Variants in NEGR1 observed in about 807,000 individuals in gnomAD.
NEGR1 encodes neuronal growth regulator 1.
In NEGR1, 10 loss-of-function variants were observed where a neutral mutation model predicts 40.9. The ratio of observed to expected loss-of-function variants is 0.24; its 90% confidence interval spans 0.15 to 0.42. The LOEUF is 0.42. Among genes scored for constraint, NEGR1 ranks in the 10% least tolerant of loss-of-function variants. The probability of loss-of-function intolerance (pLI) is 1.00; values close to 1 mark genes in which losing one functional copy is unlikely to be tolerated. For missense variants in NEGR1, 352 were observed against 438.9 expected, an observed-to-expected ratio of 0.80 and a Z score of 1.77; for synonymous variants, 185 against 166.8, an observed-to-expected ratio of 1.11 and a Z score of -0.84.
intron 6 of NEGR1, among the ~76,000 whole-genome samples, chr1:71,563,068 T>C (rs1648510238): frequency 6.6e-6 from 1 of 152,032 alleles, no homozygotes; most frequent in South Asian, 2.1e-4. Flanking sequence ...TGTGTAATCC[T>C]CTCATGGGGA....
rs35490878 is a variant in NEGR1, at chr1:72,205,756, C to CAAAA, written c.176+76559_176+76562dup. Among the ~76,000 whole-genome samples the CAAAA allele has an allele frequency of 1.6e-3, 49 of 30,878 alleles. 2 individuals are homozygous for CAAAA. The highest frequency in any genetic ancestry group is 4.6e-3 in the Admixed American group (9 of 1,942). 20.3% of individuals were successfully genotyped at this position (30,878 alleles called of 152,430 possible). ...GGCAAATGGCAAAACCCCATTTCTA[C>CAAAA]AAAAAAAAAAAAAAAAAAAAAAAAA... On this transcript the variant is annotated intron_variant, in intron 1 of 6. Transcript: ENST00000357731.
At chr1:72,141,039 T>C (rs1479528256) in intron 1 of NEGR1, among the ~76,000 whole-genome samples, 1 of 152,006 alleles carries the variant, frequency 6.6e-6, no homozygotes, top group Non-Finnish European at 1.5e-5. Context: ...CATGATATGA[T>C]ATAATGTAGT....
chr1:72,153,387 T>C (rs879673314), intron 1 of NEGR1, among the ~76,000 whole-genome samples: 11 of 151,910 alleles, frequency 7.2e-5, no homozygotes, highest in Non-Finnish European at 1.5e-4. Flanking sequence ...AACACAGATA[T>C]ATTGTTTCCA....
intron 2 of NEGR1, among the ~76,000 whole-genome samples, chr1:71,820,538 G>GTC (rs1355708540): frequency 6.6e-6 from 1 of 151,966 alleles, no homozygotes; most frequent in Non-Finnish European, 1.5e-5. Context: ...CATCATCATG[G>GTC]TCTCCTTGTT....
At chr1:71,592,224 A>G (rs1416617831) in intron 6 of NEGR1, among the ~76,000 whole-genome samples, 3 of 152,120 alleles carry the variant, frequency 2.0e-5, no homozygotes, top group Non-Finnish European at 4.4e-5. Context: ...GTGCTTCTTT[A>G]TTAATTTTTA....
chr1:72,245,988 T>G (rs1217266475), intron 1 of NEGR1, among the ~76,000 whole-genome samples: 1 of 152,140 alleles, frequency 6.6e-6, no homozygotes, highest in East Asian at 1.9e-4. Context: ...AAATATTAAT[T>G]ATTTAATACT....
At chr1:71,495,750 T>A (rs1197220201) in intron 6 of NEGR1, among the ~76,000 whole-genome samples, 1 of 152,152 alleles carries the variant, frequency 6.6e-6, no homozygotes, top group Non-Finnish European at 1.5e-5. Context: ...GAGAAGACTA[T>A]TATAATGCTG....
At chr1:71,695,331 C>G (rs560428376) in intron 4 of NEGR1, among the ~76,000 whole-genome samples, 1 of 151,594 alleles carries the variant, frequency 6.6e-6, no homozygotes, top group Non-Finnish European at 1.5e-5. Context: ...AAGCAAATGG[C>G]AAAACTGATT....
intron 1 of NEGR1, among the ~76,000 whole-genome samples, chr1:72,061,880 C>T (rs551212348): frequency 6.6e-6 from 1 of 151,818 alleles, no homozygotes; most frequent in African/African-American, 2.4e-5. Context: ...GTGTTCCTTT[C>T]TCAGATTATT....
At chr1:71,945,437 A>G (rs1470546229) in intron 1 of NEGR1, among the ~76,000 whole-genome samples, 5 of 152,180 alleles carry the variant, frequency 3.3e-5, no homozygotes, top group Admixed American at 2.6e-4. Context: ...TATAATTAGA[A>G]GAAGGAAAAA....
chr1:72,257,595 T>A (rs1213389951), intron 1 of NEGR1, among the ~76,000 whole-genome samples: 1 of 152,142 alleles, frequency 6.6e-6, no homozygotes, highest in African/African-American at 2.4e-5. Context: ...TAATTAGTAA[T>A]TTTCTCCAAC....
intron 6 of NEGR1, among the ~76,000 whole-genome samples, chr1:71,570,635 T>A (rs1031500031): frequency 3.8e-5 from 5 of 130,266 alleles, no homozygotes; most frequent in African/African-American, 1.4e-4. Flanking sequence ...ACTTTGTTTA[T>A]ACTGGGTCCT....
intron 3 of NEGR1, among the ~76,000 whole-genome samples, chr1:71,731,526 A>C (rs2101664716): frequency 6.6e-6 from 1 of 152,370 alleles, no homozygotes; most frequent in African/African-American, 2.4e-5. Flanking sequence ...TAATAGAGAT[A>C]ATTATTTTGG....
chr1:72,046,989 T>C (rs1272240072), intron 1 of NEGR1, among the ~76,000 whole-genome samples: 1 of 151,618 alleles, frequency 6.6e-6, no homozygotes, highest in East Asian at 1.9e-4. Flanking sequence ...AATTTTCAAA[T>C]ACGCAGAATG....
chr1:71,784,147 T>TTCCCAC (rs1656821780), intron 2 of NEGR1, among the ~76,000 whole-genome samples: 1 of 152,108 alleles, frequency 6.6e-6, no homozygotes, highest in Non-Finnish European at 1.5e-5. Context: ...CACACCCAGC[T>TTCCCAC]AATCATCAGG....
At chr1:71,623,531 T>C (rs1045005359) in intron 4 of NEGR1, among the ~76,000 whole-genome samples, 4 of 151,918 alleles carry the variant, frequency 2.6e-5, no homozygotes, top group East Asian at 3.9e-4. Context: ...TGGGAAGTGA[T>C]AGTAGTTGTA....
intron 1 of NEGR1, among the ~76,000 whole-genome samples, chr1:72,170,825 T>C (rs1248154364): frequency 6.6e-6 from 1 of 152,200 alleles, no homozygotes. Context: ...TGCAGTCCTT[T>C]AAATTCCATT....
rs749712938 is a variant in NEGR1 at position 71,793,183 on chromosome 1, C to CT, written c.410-16887dup. ...TGTAGGAACAATTGATTGGGATGTT[C>CT]TTTTTTTTTTTTTTTTAGATGGAAT... On this transcript the variant is annotated intron_variant, in intron 2 of 6. Coordinates refer to ENST00000357731, the MANE Select transcript of NEGR1 (RefSeq NM_173808.3). Among the ~76,000 whole-genome samples the CT allele has an allele frequency of 4.8e-3, 448 of 92,726 alleles. 3 individuals carry two copies. The highest frequency in any genetic ancestry group is 0.017 in the African/African-American group (382 of 22,748). 60.8% of individuals were successfully genotyped at this position (92,726 alleles called of 152,430 possible). A position where few individuals can be genotyped will look rare whatever the true frequency, so the allele number is the denominator to read the frequency against.
intron 6 of NEGR1, among the ~76,000 whole-genome samples, chr1:71,427,040 C>T (rs1464362082): frequency 1.3e-5 from 2 of 152,176 alleles, no homozygotes; most frequent in Non-Finnish European, 2.9e-5. Flanking sequence ...CTTTAGGTCT[C>T]TTTAGGCTCA....
Sources: gnomAD v4.1 joint callset for allele counts (sites outside exome capture counted in the v4.1 genomes callset) on GRCh38, gnomAD v4.1.1 for gene constraint, MANE v1.5 for transcripts, NCBI Gene and HGNC (gene_info 2026-07-23, HGNC 2026-07-21) for gene names.